RYR2: variants seen among roughly 807,000 people sequenced by gnomAD.
The protein encoded by RYR2 is ryanodine receptor 2, also known as cardiac muscle ryanodine receptor-calcium release channel.
Under a neutral mutation model 601.1 loss-of-function variants are expected in RYR2, and 227 were observed. The ratio of observed to expected loss-of-function variants is 0.38; its 90% CI spans 0.34 to 0.42. The LOEUF (loss-of-function observed/expected upper bound fraction) is 0.42. RYR2 is among the 10% of genes least tolerant of loss of function. The probability of loss-of-function intolerance (pLI) is 1.00; values close to 1 mark genes in which losing one functional copy is unlikely to be tolerated. For synonymous variants in RYR2, 2,223 were observed against 2,175.1 expected, an observed-to-expected ratio of 1.02 and a Z score of -0.61; for missense variants, 4,646 against 6,156.5, an observed-to-expected ratio of 0.75 and a Z score of 8.21.
intron 84 of RYR2, among the ~76,000 whole-genome samples, chr1:237,766,771 G>C (rs1292388344): frequency 6.6e-6 from 1 of 152,176 alleles, no homozygotes; most frequent in African/African-American, 2.4e-5. Context: ...ATTTGTTTAA[G>C]AAGTTAACAG....
intron 29 of RYR2, among the ~76,000 whole-genome samples, chr1:237,578,856 G>A (rs1402623462): frequency 1.3e-5 from 2 of 152,060 alleles, no homozygotes; most frequent in Non-Finnish European, 2.9e-5. Flanking sequence ...TGTGACCTCT[G>A]GGAACAGAAG....
At chr1:237,255,834 T>C (rs796804318) in intron 1 of RYR2, among the ~76,000 whole-genome samples, 17 of 128,112 alleles carry the variant, frequency 1.3e-4, no homozygotes, top group African/African-American at 4.7e-4. Context: ...CTGCTTGCTA[T>C]ACCAGTGTGT....
At chr1:237,371,112 C>CTT (rs113800105) in intron 6 of RYR2, among the ~76,000 whole-genome samples, 7 of 145,838 alleles carry the variant, frequency 4.8e-5, no homozygotes, top group Admixed American at 3.4e-4. Flanking sequence ...GTCCTTAAGG[C>CTT]TTTTTTTTTT....
Position 237,589,775 on chromosome 1 carries a change from T to C in RYR2, c.3599-18T>C, listed in dbSNP as rs1257659861. 1.9e-6 allele frequency: 1 copy of C among 518,422 alleles called. No homozygotes were observed. Among genetic ancestry groups the C allele is most frequent in the East Asian group, 4.8e-5 (1 of 20,900 alleles). 32.1% of individuals were successfully genotyped at this position (518,422 alleles called of 1,614,324 possible). A position where few individuals can be genotyped will look rare whatever the true frequency, so the allele number is the denominator to read the frequency against. On this transcript the variant is annotated intron_variant, in intron 29 of 104. Coordinates refer to ENST00000366574, the MANE Select transcript of RYR2 (RefSeq NM_001035.3). ...ATATACTAATGGTACTAAAACTTGATTTTTTTTTTCTTCCCAGGATTCATA... is the reference window on the plus strand; with the variant it reads ...ATATACTAATGGTACTAAAACTTGACTTTTTTTTTCTTCCCAGGATTCATA...
chr1:237,054,698 T>G (rs148537394), intron 1 of RYR2, among the ~76,000 whole-genome samples: 93 of 152,318 alleles, frequency 6.1e-4, no homozygotes, highest in African/African-American at 2.1e-3. Flanking sequence ...AGAAATTAAA[T>G]AAAATCTTTG....
chr1:237,747,143 T>G (rs567027589), intron 80 of RYR2, among the ~76,000 whole-genome samples: 10 of 152,354 alleles, frequency 6.6e-5, no homozygotes, highest in East Asian at 1.9e-4. Flanking sequence ...TCTAAATTAA[T>G]GACAGTGAAG....
In RYR2 at chr1:237,187,443, C is replaced by CTT. The variant is rs10686110; in HGVS notation, c.49-83036_49-83035dup. ...GGCGTGAGCCAACACGCCCGGCCGA[C>CTT]TTTTTTTTTTTTTTTTTTTGAGACA... is the stretch of plus-strand genomic sequence containing the variant. On this transcript the variant is annotated intron_variant, in intron 1 of 104. Transcript: ENST00000366574. Among the ~76,000 whole-genome samples, 803 of 86,752 alleles carry CTT rather than the reference C, an allele frequency of 9.3e-3. 76 individuals carry two copies. Among genetic ancestry groups the CTT allele is most frequent in the African/African-American group, 0.034 (764 of 22,546 alleles). 56.9% of individuals were successfully genotyped at this position (86,752 alleles called of 152,430 possible).
chr1:237,761,899 C>CA (rs1693461202), intron 84 of RYR2, among the ~76,000 whole-genome samples: 1 of 151,948 alleles, frequency 6.6e-6, no homozygotes, highest in Admixed American at 6.6e-5. Context: ...AATCTTATTT[C>CA]AAAAAATAAT....
At chr1:237,294,909 A>T (rs12024815) in intron 2 of RYR2, among the ~76,000 whole-genome samples, 9 of 151,892 alleles carry the variant, frequency 5.9e-5, no homozygotes, top group Non-Finnish European at 7.4e-5. Context: ...AAATAAAATG[A>T]TGTTTGAGAA....
At chr1:237,515,986 C>T (rs1225048901) in intron 24 of RYR2, among the ~76,000 whole-genome samples, 4 of 146,384 alleles carry the variant, frequency 2.7e-5, no homozygotes, top group African/African-American at 7.6e-5. Context: ...CTTCTCCTCC[C>T]TCTTCTTTTT....
At chr1:237,351,357 T>C (rs946952597) in intron 3 of RYR2, among the ~76,000 whole-genome samples, 8 of 152,062 alleles carry the variant, frequency 5.3e-5, no homozygotes, top group African/African-American at 1.9e-4. Flanking sequence ...AGAATTTATG[T>C]AGAAAGCAGA....
At chr1:237,705,584 C>T (rs1323389248) in intron 67 of RYR2, among the ~76,000 whole-genome samples, 1 of 151,956 alleles carries the variant, frequency 6.6e-6, no homozygotes, top group Non-Finnish European at 1.5e-5. Flanking sequence ...TGAGCAGGCC[C>T]CTTGGACAGC....
At chr1:237,579,847 A>G (rs1673693289) in intron 29 of RYR2, among the ~76,000 whole-genome samples, 3 of 152,188 alleles carry the variant, frequency 2.0e-5, no homozygotes, top group African/African-American at 7.2e-5. Flanking sequence ...AGAATATATC[A>G]TACCGAATAT....
chr1:237,220,150 A>G (rs1210071423), intron 1 of RYR2, among the ~76,000 whole-genome samples: 1 of 152,170 alleles, frequency 6.6e-6, no homozygotes, highest in Non-Finnish European at 1.5e-5. Flanking sequence ...GGGTGTTTCC[A>G]GAAGAGATTG....
intron 1 of RYR2, among the ~76,000 whole-genome samples, chr1:237,166,792 A>G (rs563695982): frequency 6.6e-6 from 1 of 152,312 alleles, no homozygotes; most frequent in South Asian, 2.1e-4. Context: ...GTTGCCTTAC[A>G]TATTGGTTCA....
chr1:237,623,103 G>T (rs559565923), intron 38 of RYR2, among the ~76,000 whole-genome samples: 90 of 152,164 alleles, frequency 5.9e-4, no homozygotes, highest in Non-Finnish European at 1.0e-3. Context: ...GGATAAGCAT[G>T]ATACAATACT....
chr1:237,584,905 T>TA (rs113333940), intron 29 of RYR2, among the ~76,000 whole-genome samples: 18 of 118,904 alleles, frequency 1.5e-4, no homozygotes, highest in Admixed American at 2.8e-4. Flanking sequence ...CCTAATTTGT[T>TA]ATTTTTTTTT....
At chr1:237,644,232 T>C (rs1681884315) in intron 48 of RYR2, among the ~76,000 whole-genome samples, 2 of 152,110 alleles carry the variant, frequency 1.3e-5, no homozygotes, top group Non-Finnish European at 2.9e-5. Flanking sequence ...TGTTGTTTTT[T>C]TGGTTTTTTG....
chr1:237,125,706 A>G (rs1369357869), intron 1 of RYR2, among the ~76,000 whole-genome samples: 1 of 152,260 alleles, frequency 6.6e-6, no homozygotes, highest in Non-Finnish European at 1.5e-5. Flanking sequence ...TTCTTTGTAA[A>G]AAACAAACAT....
Sources: allele counts gnomAD v4.1 joint callset (sites outside exome capture counted in the v4.1 genomes callset), GRCh38; gene constraint gnomAD v4.1.1; transcripts MANE v1.5; gene names NCBI Gene and HGNC (gene_info 2026-07-23, HGNC 2026-07-21).